CENPP: variants seen among roughly 807,000 people sequenced by gnomAD.
CENPP encodes centromere protein P.
Under a neutral mutation model 35.6 loss-of-function variants are expected in CENPP, and 24 were observed. That is an observed-to-expected ratio of 0.67 (90% CI 0.49 to 0.95). The LOEUF is 0.95. Among genes scored for constraint, CENPP ranks in the 40% least tolerant of loss-of-function variants. CENPP has a pLI of 0.00. For synonymous variants in CENPP, 120 were observed against 125.5 expected (o/e 0.96, Z 0.29); for missense variants, 332 against 345.3 (o/e 0.96, Z 0.31).
intron 5 of CENPP, among the ~76,000 whole-genome samples, chr9:92,479,080 G>A (rs762783709): frequency 2.6e-5 from 4 of 152,116 alleles, no homozygotes; most frequent in African/African-American, 9.7e-5. Flanking sequence ...GCTGAGGTTC[G>A]AGATGAGGAA....
At chr9:92,550,848 G>C (rs961878297) in intron 5 of CENPP, among the ~76,000 whole-genome samples, 1 of 152,098 alleles carries the variant, frequency 6.6e-6, no homozygotes, top group East Asian at 1.9e-4. Flanking sequence ...ACCAAAACAT[G>C]GTGGCTCAGG....
At chr9:92,398,400 G>A (rs114869321) in intron 5 of CENPP, among the ~76,000 whole-genome samples, 1 of 152,128 alleles carries the variant, frequency 6.6e-6, no homozygotes, top group African/African-American at 2.4e-5. Flanking sequence ...AAGTATATAC[G>A]CAGAGAACTG....
chr9:92,615,827 A>G lies in CENPP; in HGVS notation c.*2678A>G. On this transcript the variant is annotated 3_prime_UTR_variant, in exon 8 of 8. Transcript: ENST00000375587. Reference sequence around the variant, plus strand: ...TCAAGTTTCAAAGACACTGCAGGGAAAGAGTTAGACCTTGTGGAGAACTAA... The same window carrying G: ...TCAAGTTTCAAAGACACTGCAGGGAGAGAGTTAGACCTTGTGGAGAACTAA... 6.2e-7 allele frequency: 1 copy of G among 1,600,536 alleles called. No individual in the cohort carries two copies. The highest frequency in any genetic ancestry group is 2.2e-5 in the East Asian group (1 of 44,792).
At chr9:92,400,219 C>A (rs573017566) in intron 5 of CENPP, among the ~76,000 whole-genome samples, 1 of 152,106 alleles carries the variant, frequency 6.6e-6, no homozygotes, top group Non-Finnish European at 1.5e-5. Flanking sequence ...GGCACGACCT[C>A]GGCTCACCGC....
intron 5 of CENPP, among the ~76,000 whole-genome samples, chr9:92,598,399 G>A (rs1850830961): frequency 1.3e-5 from 2 of 152,214 alleles, no homozygotes; most frequent in Admixed American, 6.5e-5. Context: ...GTGATTTCCA[G>A]TGAGAAAACC....
intron 5 of CENPP, among the ~76,000 whole-genome samples, chr9:92,501,886 C>T (rs552956661): frequency 6.6e-6 from 1 of 152,330 alleles, no homozygotes; most frequent in South Asian, 2.1e-4. Context: ...AAGCTATAGC[C>T]AGAGGCTGCT....
At chr9:92,386,921 G>T (rs923575413) in intron 5 of CENPP, among the ~76,000 whole-genome samples, 2 of 151,718 alleles carry the variant, frequency 1.3e-5, no homozygotes, top group Non-Finnish European at 2.9e-5. Flanking sequence ...GGTGGTGGGC[G>T]CCTGTAGTCC....
intron 4 of CENPP, among the ~76,000 whole-genome samples, chr9:92,356,503 TAC>T (rs1841593140): frequency 6.6e-6 from 1 of 152,226 alleles, no homozygotes; most frequent in Admixed American, 6.5e-5. Context: ...AATCAATTAG[TAC>T]AGTTAACACA....
intron 5 of CENPP, chr9:92,414,588 A>G: frequency 4.8e-6 from 1 of 209,490 alleles, no homozygotes; most frequent in Non-Finnish European, 9.7e-6. Context: ...TTACAAATCA[A>G]AAATATCATT....
chr9:92,486,329 C>T (rs1426362990), intron 5 of CENPP, among the ~76,000 whole-genome samples: 1 of 152,196 alleles, frequency 6.6e-6, no homozygotes, highest in Non-Finnish European at 1.5e-5. Flanking sequence ...AAGTGTCCCT[C>T]ATGGTGGACT....
chr9:92,598,250 A>T (rs1055089702), intron 5 of CENPP, among the ~76,000 whole-genome samples: 2 of 152,134 alleles, frequency 1.3e-5, no homozygotes, highest in African/African-American at 4.8e-5. Context: ...CTCACCCCCC[A>T]CTGCCATGGG....
chr9:92,575,727 G>T (rs1850265327), intron 5 of CENPP, among the ~76,000 whole-genome samples: 1 of 152,032 alleles, frequency 6.6e-6, no homozygotes, highest in African/African-American at 2.4e-5. Context: ...CAGGAGAATT[G>T]CGTGAACCTG....
At chr9:92,505,455 G>T in intron 5 of CENPP, 1 of 1,246,590 alleles carries the variant, frequency 8.0e-7, no homozygotes, top group South Asian at 1.4e-5. Flanking sequence ...CATCACAATA[G>T]TCTTAAAATA....
intron 5 of CENPP, among the ~76,000 whole-genome samples, chr9:92,410,540 C>A (rs1252718607): frequency 1.3e-5 from 2 of 152,174 alleles, no homozygotes; most frequent in Admixed American, 1.3e-4. Context: ...CTTTGAAAAG[C>A]TGCAGTGTCC....
intron 5 of CENPP, among the ~76,000 whole-genome samples, chr9:92,592,978 GA>G (rs941743927): frequency 2.0e-5 from 3 of 152,224 alleles, no homozygotes; most frequent in African/African-American, 7.2e-5. Context: ...TGGCTTAAAC[GA>G]AAAGGAACAT....
intron 2 of CENPP, among the ~76,000 whole-genome samples, chr9:92,333,227 T>C (rs1840810421): frequency 6.6e-6 from 1 of 152,224 alleles, no homozygotes. Flanking sequence ...AGAAATCATT[T>C]TTGGTGTGCT....
chr9:92,493,820 C>T (rs1361338530), intron 5 of CENPP: 3 of 256,238 alleles, frequency 1.2e-5, no homozygotes, highest in Non-Finnish European at 2.2e-5. Flanking sequence ...AAGAAAAAAG[C>T]TTCAATCAGT....
At chr9:92,339,362 T>A (rs567809758) in intron 3 of CENPP, among the ~76,000 whole-genome samples, 1 of 152,324 alleles carries the variant, frequency 6.6e-6, no homozygotes, top group African/African-American at 2.4e-5. Context: ...AGCCACTCCC[T>A]AACTAGTCCC....
intron 5 of CENPP, among the ~76,000 whole-genome samples, chr9:92,523,470 G>A (rs1477553911): frequency 6.6e-6 from 1 of 152,138 alleles, no homozygotes; most frequent in Non-Finnish European, 1.5e-5. Context: ...AGGAAGAGAA[G>A]AGACAGGTTA....
Sources: gnomAD v4.1 joint callset for allele counts (sites outside exome capture counted in the v4.1 genomes callset) on GRCh38, gnomAD v4.1.1 for gene constraint, MANE v1.5 for transcripts, NCBI Gene and HGNC (gene_info 2026-07-23, HGNC 2026-07-21) for gene names.